Variants in MALRD1 observed in about 807,000 individuals in gnomAD.
MALRD1 encodes the protein MAM and LDL receptor class A domain containing 1.
In MALRD1, 247 loss-of-function variants were observed where a neutral mutation model predicts 242.1. The ratio of observed to expected loss-of-function variants is 1.02; its 90% CI spans 0.92 to 1.13. The LOEUF is 1.13. Ranked by LOEUF, MALRD1 falls within the 50% of genes most tolerant of loss-of-function variation. The pLI, the probability that MALRD1 is intolerant of heterozygous loss-of-function variation, is 0.00. For synonymous variants in MALRD1, 995 were observed against 866.6 expected, an observed-to-expected ratio of 1.15 and a Z score of -2.60; for missense variants, 2,989 against 2,533.1, an observed-to-expected ratio of 1.18 and a Z score of -3.86.
intron 29 of MALRD1, among the ~76,000 whole-genome samples, chr10:19,481,484 G>C (rs1225783185): frequency 1.3e-5 from 2 of 152,266 alleles, no homozygotes; most frequent in Admixed American, 6.5e-5. Context: ...TTGCAAACTT[G>C]CCTCTGATAG....
chr10:19,130,032 G>T (rs1432642358), intron 8 of MALRD1, among the ~76,000 whole-genome samples: 1 of 151,460 alleles, frequency 6.6e-6, no homozygotes, highest in Non-Finnish European at 1.5e-5. Context: ...TTTTTTAATT[G>T]GATGAGATAT....
intron 12 of MALRD1, among the ~76,000 whole-genome samples, chr10:19,164,882 C>T (rs974725804): frequency 2.6e-5 from 4 of 151,674 alleles, no homozygotes; most frequent in Non-Finnish European, 4.4e-5. Context: ...GCCTCCCTAC[C>T]CTCAAAGAAT....
At chr10:19,621,569 A>C (rs1839404476) in intron 36 of MALRD1, among the ~76,000 whole-genome samples, 1 of 151,750 alleles carries the variant, frequency 6.6e-6, no homozygotes, top group Admixed American at 6.6e-5. Flanking sequence ...AGGAGAATCA[A>C]AGAGAAAGTA....
intron 32 of MALRD1, among the ~76,000 whole-genome samples, chr10:19,559,098 G>A (rs112873271): frequency 0.055 from 8,364 of 151,844 alleles, 759 homozygotes; most frequent in African/African-American, 0.19. Flanking sequence ...TGGGAGAATC[G>A]CTTGAACCTG....
At chr10:19,432,273 T>A (rs2483092) in intron 28 of MALRD1, among the ~76,000 whole-genome samples, 120,923 of 152,174 alleles carry the variant, frequency 0.79, 48,849 homozygotes, top group African/African-American at 0.95. Flanking sequence ...GCCTCAGGAA[T>A]ATCACCTATG....
intron 36 of MALRD1, among the ~76,000 whole-genome samples, chr10:19,645,556 T>G (rs971560319): frequency 5.3e-5 from 8 of 152,108 alleles, no homozygotes; most frequent in Admixed American, 4.6e-4. Context: ...CCATAAAAAA[T>G]GATGAGTTCA....
intron 36 of MALRD1, among the ~76,000 whole-genome samples, chr10:19,663,333 A>AT (rs1215628658): frequency 2.6e-5 from 4 of 152,092 alleles, no homozygotes; most frequent in Non-Finnish European, 5.9e-5. Flanking sequence ...AGGTTCATCC[A>AT]TGTTGCTGCA....
chr10:19,268,177 GGAAAATGTCATT>G (rs143399170), intron 19 of MALRD1, among the ~76,000 whole-genome samples: 13,046 of 151,868 alleles, frequency 0.086, 669 homozygotes, highest in East Asian at 0.17. Context: ...CTGTAAAGAT[GGAAAATGTCATT>G]GAATCTTTGT....
At chr10:19,676,105 A>C (rs1352937487) in intron 36 of MALRD1, among the ~76,000 whole-genome samples, 2 of 152,214 alleles carry the variant, frequency 1.3e-5, no homozygotes, top group African/African-American at 4.8e-5. Flanking sequence ...GCTTTGAATA[A>C]GAGTAGAGGG....
intron 33 of MALRD1, among the ~76,000 whole-genome samples, chr10:19,589,448 A>G (rs11010595): frequency 0.31 from 46,780 of 152,018 alleles, 8,492 homozygotes; most frequent in Admixed American, 0.46. Context: ...GTTGCAAACA[A>G]TGGCATGAGA....
At chr10:19,707,018 TTCC>T (rs1237811915) in intron 38 of MALRD1, among the ~76,000 whole-genome samples, 1 of 149,362 alleles carries the variant, frequency 6.7e-6, no homozygotes, top group African/African-American at 2.5e-5. Context: ...CCTTCTTCTC[TTCC>T]TCCTTCTCCT....
chr10:19,399,396 C>T (rs1204418142), intron 28 of MALRD1, among the ~76,000 whole-genome samples: 2 of 152,026 alleles, frequency 1.3e-5, no homozygotes, highest in African/African-American at 4.8e-5. Context: ...GTTTGTAGAA[C>T]TCGTTTAAGT....
chr10:19,705,802 A>G (rs1029381230), intron 38 of MALRD1, among the ~76,000 whole-genome samples: 3 of 146,496 alleles, frequency 2.0e-5, no homozygotes, highest in African/African-American at 7.6e-5. Context: ...GTCCTGCAAT[A>G]GTAAAAAAAA....
At chr10:19,566,093 A>T (rs912988932) in intron 32 of MALRD1, among the ~76,000 whole-genome samples, 2 of 151,866 alleles carry the variant, frequency 1.3e-5, no homozygotes, top group Non-Finnish European at 2.9e-5. Context: ...GATGACTGTT[A>T]TTCTTTCCTT....
At chr10:19,456,320 C>CT (rs955807797) in intron 29 of MALRD1, among the ~76,000 whole-genome samples, 1 of 152,046 alleles carries the variant, frequency 6.6e-6, no homozygotes, top group African/African-American at 2.4e-5. Context: ...AAAAGACATT[C>CT]TTTTTTATTA....
rs758195016 is a variant in MALRD1, at chr10:19,327,978, A to G, written c.3687+305A>G. Among the ~76,000 whole-genome samples, 7 of 152,134 alleles carry G rather than the reference A, an allele frequency of 4.6e-5. No homozygotes were observed. In the East Asian group the frequency reaches 5.8e-4, roughly 13 times the overall value. On this transcript the variant is annotated intron_variant, in intron 23 of 39. Transcript: ENST00000454679. ...GAACATTTACCTCTGTTTTGCAAAT[A>G]TATTCTCAGAGCTTGTACAGCAATT... is the stretch of plus-strand genomic sequence containing the variant.
At position 19,347,769 on chromosome 10, in the gene MALRD1, A is replaced by G; in HGVS notation, c.3902-2A>G. On this transcript the variant is annotated splice_acceptor_variant, in intron 24 of 39. Transcript: ENST00000454679. LOFTEE classifies it high-confidence loss of function. ...TAACATATATTTGGAAATATTTTCC[A>G]GGTACCTCCAGTGGGCGCTGTGATT... 6.5e-7 allele frequency: 1 copy of G among 1,549,302 alleles called. No individual in the cohort carries two copies. Among genetic ancestry groups the G allele is most frequent in the African/African-American group, 1.4e-5 (1 of 73,064 alleles).
chr10:19,176,910 C>T (rs991030046), intron 14 of MALRD1, among the ~76,000 whole-genome samples: 1 of 151,490 alleles, frequency 6.6e-6, no homozygotes, highest in Admixed American at 6.6e-5. Context: ...GCATGCGTGT[C>T]TGTGCACATG....
chr10:19,310,954 T>C (rs1842401702), intron 21 of MALRD1, among the ~76,000 whole-genome samples: 1 of 151,454 alleles, frequency 6.6e-6, no homozygotes, highest in Admixed American at 6.6e-5. Context: ...CTAATTTACT[T>C]TTTAGTCAAC....
Sources: gnomAD v4.1 joint callset for allele counts (sites outside exome capture counted in the v4.1 genomes callset) on GRCh38, gnomAD v4.1.1 for gene constraint, MANE v1.5 for transcripts, NCBI Gene and HGNC (gene_info 2026-07-23, HGNC 2026-07-21) for gene names.